The following PATJ variants were observed in gnomAD, a reference collection of about 807,000 sequenced individuals.
PATJ encodes the protein inaD-like protein.
A neutral mutation model predicts 224.9 loss-of-function variants in PATJ; 190 were observed. The ratio of observed to expected loss-of-function variants is 0.84; its 90% confidence interval spans 0.75 to 0.95. PATJ has a LOEUF of 0.95. Among genes scored for constraint, PATJ ranks in the 40% least tolerant of loss-of-function variants. The probability of loss-of-function intolerance (pLI) is 0.00; values close to 1 mark genes in which losing one functional copy is unlikely to be tolerated. For synonymous variants in PATJ, 769 were observed against 820.3 expected (o/e 0.94, Z 1.07); for missense variants, 2,121 against 2,270.3 (o/e 0.93, Z 1.34).
chr1:61,942,263 T>G (rs1677931169), intron 27 of PATJ, among the ~76,000 whole-genome samples: 1 of 152,286 alleles, frequency 6.6e-6, no homozygotes, highest in South Asian at 2.1e-4. Flanking sequence ...CAAAATATGC[T>G]TATTTGAAAG....
intron 19 of PATJ, among the ~76,000 whole-genome samples, chr1:61,863,027 G>GTTTTTTTTTTTTTTTTTT (rs35033086): frequency 1.2e-5 from 1 of 80,002 alleles, no homozygotes; most frequent in Non-Finnish European, 2.5e-5. Context: ...ACTGTTTTCA[G>GTTTTTTTTTTTTTTTTTT]TTTTTTTTTT....
In PATJ at chr1:62,018,617, C is replaced by T. The variant is rs958930217; in HGVS notation, c.3959+670C>T. On this transcript the variant is annotated intron_variant, in intron 29 of 43. Transcript: ENST00000642238. The surrounding 1 kb of genome is among the most constrained non-coding windows in gnomAD (Gnocchi z 4.2). ...ATTACTTTTAGGTCATGTACCTAACCCTCTATGTTCACTGTAGCTCTGCTT... is the reference window on the plus strand; with the variant it reads ...ATTACTTTTAGGTCATGTACCTAACTCTCTATGTTCACTGTAGCTCTGCTT... Among the ~76,000 whole-genome samples, 1 of 152,138 alleles carries T rather than the reference C, an allele frequency of 6.6e-6. No individual in the cohort carries two copies. The highest frequency in any genetic ancestry group is 1.5e-5 in the Non-Finnish European group (1 of 68,036).
chr1:62,157,186 T>C (rs1207563216), intron 43 of PATJ, among the ~76,000 whole-genome samples: 3 of 151,630 alleles, frequency 2.0e-5, no homozygotes, highest in Non-Finnish European at 4.4e-5. Context: ...TAGCTGGGCA[T>C]AGTGGCAGGT....
At chr1:61,868,770 CAG>C (rs1382903992) in intron 20 of PATJ, among the ~76,000 whole-genome samples, 2 of 151,760 alleles carry the variant, frequency 1.3e-5, no homozygotes, top group Non-Finnish European at 2.9e-5. Context: ...GCCTGGGCAA[CAG>C]AGAGAGACTC....
At chr1:61,843,804 GATGATA>G (rs1439281094) in intron 17 of PATJ, among the ~76,000 whole-genome samples, 4 of 151,742 alleles carry the variant, frequency 2.6e-5, no homozygotes, top group African/African-American at 9.7e-5. Context: ...ACTGAAAAAT[GATGATA>G]ATGATAATGA....
Position 62,161,084 on chromosome 1 carries a change from G to A in PATJ, c.*30G>A, listed in dbSNP as rs1669798104. ...CGGGCCTGATCACAAGATAGATGTT[G>A]TTGTTTAGAATATCCACAGGCAGAT... On this transcript the variant is annotated 3_prime_UTR_variant, in exon 44 of 44. Coordinates refer to ENST00000642238, the MANE Select transcript of PATJ (RefSeq NM_001350145.3). 5.7e-6 allele frequency: 8 copies of A among 1,391,636 alleles called. No homozygotes were observed. Among genetic ancestry groups the A allele is most frequent in the Non-Finnish European group, 7.5e-6 (8 of 1,070,830 alleles). 86.2% of individuals were successfully genotyped at this position (1,391,636 alleles called of 1,614,324 possible). A position where few individuals can be genotyped will look rare whatever the true frequency, so the allele number is the denominator to read the frequency against.
intron 7 of PATJ, among the ~76,000 whole-genome samples, chr1:61,782,400 CTT>C (rs1271116265): frequency 2.0e-5 from 3 of 152,158 alleles, no homozygotes; most frequent in Non-Finnish European, 4.4e-5. Flanking sequence ...GGATCTGAGA[CTT>C]AGGGAGGATG....
intron 27 of PATJ, among the ~76,000 whole-genome samples, chr1:61,957,693 T>C (rs1415246233): frequency 6.6e-6 from 1 of 152,174 alleles, no homozygotes; most frequent in Non-Finnish European, 1.5e-5. Flanking sequence ...AGTCTTATTG[T>C]TGATGCTTTC....
chr1:62,094,260 G>A (rs1170215641), intron 33 of PATJ, among the ~76,000 whole-genome samples: 2 of 152,056 alleles, frequency 1.3e-5, no homozygotes, highest in East Asian at 3.8e-4. Flanking sequence ...CAGGTGTGGT[G>A]GTGTGTGCCC....
At chr1:62,083,958 A>T (rs1570510826) in intron 32 of PATJ, among the ~76,000 whole-genome samples, 1 of 152,160 alleles carries the variant, frequency 6.6e-6, no homozygotes, top group East Asian at 1.9e-4. Context: ...GTATTTTAAG[A>T]TTTTAAAACT....
intron 22 of PATJ, among the ~76,000 whole-genome samples, chr1:61,898,471 C>T (rs1670677402): frequency 6.6e-6 from 1 of 151,756 alleles, no homozygotes; most frequent in Non-Finnish European, 1.5e-5. Flanking sequence ...CTCTTGGGCT[C>T]AAGTGATCTT....
intron 31 of PATJ, among the ~76,000 whole-genome samples, chr1:62,056,558 A>T (rs1293808230): frequency 6.6e-6 from 1 of 151,960 alleles, no homozygotes; most frequent in African/African-American, 2.4e-5. Context: ...AGGCTGGTGG[A>T]TCACCTGAGG....
rs58542108 is a variant in PATJ at position 62,034,442 on chromosome 1, C to CAA, written c.3960-3516_3960-3515dup. 4.6e-3 allele frequency among the ~76,000 whole-genome samples: 458 copies of CAA among 100,042 alleles called. 9 individuals carry two copies. Among genetic ancestry groups the CAA allele is most frequent in the Non-Finnish European group, 6.9e-3 (359 of 52,290 alleles). The allele number at this position is 100,042 out of a possible 152,430, so 65.6% of individuals were successfully genotyped here. A position where few individuals can be genotyped will look rare whatever the true frequency, so the allele number is the denominator to read the frequency against. On this transcript the variant is annotated intron_variant, in intron 29 of 43. Coordinates refer to ENST00000642238, the MANE Select transcript of PATJ (RefSeq NM_001350145.3). ...TGGGCGAGAGAGAGAGACTCTGTCT[C>CAA]AAAAAAAAAAAAAAAAAAAAGCTTA... is the stretch of plus-strand genomic sequence containing the variant.
At chr1:61,816,215 T>C (rs952509665) in intron 14 of PATJ, among the ~76,000 whole-genome samples, 5 of 152,204 alleles carry the variant, frequency 3.3e-5, no homozygotes, top group East Asian at 1.9e-4. Context: ...CCAAGAGTTA[T>C]GGTGGATGTT....
At chr1:61,860,286 C>G (rs1218901874) in intron 18 of PATJ, among the ~76,000 whole-genome samples, 2 of 151,988 alleles carry the variant, frequency 1.3e-5, no homozygotes, top group Non-Finnish European at 2.9e-5. Flanking sequence ...GTCTTGAACT[C>G]CTGGGCTGAA....
intron 27 of PATJ, among the ~76,000 whole-genome samples, chr1:61,955,951 C>T (rs2149402920): frequency 6.6e-6 from 1 of 152,318 alleles, no homozygotes; most frequent in South Asian, 2.1e-4. Flanking sequence ...CTCCAAAAAG[C>T]ATACTGAAGT....
intron 41 of PATJ, among the ~76,000 whole-genome samples, chr1:62,130,579 C>T (rs954582302): frequency 2.0e-5 from 3 of 151,774 alleles, no homozygotes; most frequent in African/African-American, 7.3e-5. Context: ...CTGCTGGGCA[C>T]GGTGGCTCAC....
chr1:61,949,415 C>T (rs991685931), intron 27 of PATJ, among the ~76,000 whole-genome samples: 16 of 139,820 alleles, frequency 1.1e-4, no homozygotes, highest in African/African-American at 5.0e-4. Flanking sequence ...TGCACAACTC[C>T]AATATACTAA....
intron 25 of PATJ, among the ~76,000 whole-genome samples, chr1:61,912,704 G>C (rs1672862234): frequency 7.6e-6 from 1 of 131,684 alleles, no homozygotes; most frequent in Admixed American, 7.6e-5. Context: ...AAGAGGGGAG[G>C]GGAAGGTAGA....
Sources: gnomAD v4.1 joint callset for allele counts (sites outside exome capture counted in the v4.1 genomes callset) on GRCh38, gnomAD v4.1.1 for gene constraint, Gnocchi (gnomAD v3.1) non-coding constraint, MANE v1.5 for transcripts, NCBI Gene and HGNC (gene_info 2026-07-23, HGNC 2026-07-21) for gene names.